The following PBX1 variants were observed in gnomAD, a reference collection of about 807,000 sequenced individuals.
PBX1 encodes the protein pre-B-cell leukemia transcription factor 1.
A neutral mutation model predicts 53.4 loss-of-function variants in PBX1; 6 were observed. The observed-to-expected ratio is 0.11, with a 90% CI of 0.06 to 0.22. PBX1 has a LOEUF of 0.22. Among genes scored for constraint, PBX1 ranks in the 10% least tolerant of loss-of-function variants. The pLI is 1.00. For missense variants in PBX1, 251 were observed against 551.4 expected (o/e 0.46, Z 5.46); for synonymous variants, 204 against 212.3 (o/e 0.96, Z 0.34).
intron 2 of PBX1, among the ~76,000 whole-genome samples, chr1:164,640,063 G>A (rs1659026095): frequency 6.6e-6 from 1 of 152,102 alleles, no homozygotes; most frequent in Admixed American, 6.5e-5. Context: ...AGCCGCCAAG[G>A]AGTCTGAGCG....
At chr1:164,582,092 G>T (rs1156902041) in intron 2 of PBX1, among the ~76,000 whole-genome samples, 1 of 152,170 alleles carries the variant, frequency 6.6e-6, no homozygotes, top group Non-Finnish European at 1.5e-5. Flanking sequence ...AAAAAATTCA[G>T]GTAGGGCAAT....
chr1:164,655,701 A>C (rs925803888), intron 2 of PBX1, among the ~76,000 whole-genome samples: 1 of 152,142 alleles, frequency 6.6e-6, no homozygotes, highest in African/African-American at 2.4e-5. Flanking sequence ...GACTGCAATC[A>C]TTTGTTTTGG....
intron 8 of PBX1, among the ~76,000 whole-genome samples, chr1:164,825,527 A>G (rs1264043739): frequency 1.3e-5 from 2 of 152,222 alleles, no homozygotes; most frequent in Non-Finnish European, 2.9e-5. Context: ...CCAGCTATAA[A>G]GTATCTGATG....
At chr1:164,652,586 T>G (rs1319906158) in intron 2 of PBX1, among the ~76,000 whole-genome samples, 1 of 152,148 alleles carries the variant, frequency 6.6e-6, no homozygotes, top group Non-Finnish European at 1.5e-5. Flanking sequence ...TTTCAGATCC[T>G]CCCTTTCCAG....
intron 4 of PBX1, among the ~76,000 whole-genome samples, chr1:164,802,403 T>C (rs1161288860): frequency 1.3e-5 from 2 of 152,146 alleles, no homozygotes; most frequent in Non-Finnish European, 2.9e-5. Flanking sequence ...CAGAATTCAT[T>C]TCCTTCTGAT....
chr1:164,677,803 T>C (rs1661524113), intron 2 of PBX1, among the ~76,000 whole-genome samples: 1 of 151,816 alleles, frequency 6.6e-6, no homozygotes, highest in Non-Finnish European at 1.5e-5. Flanking sequence ...GGGAAGAGGG[T>C]GACAATGAGG....
At chr1:164,768,854 G>GC (rs3831955) in intron 2 of PBX1, among the ~76,000 whole-genome samples, 17,640 of 152,174 alleles carry the variant, frequency 0.12, 1,161 homozygotes, top group South Asian at 0.22. Context: ...AGTAGTTCAA[G>GC]CCCAGCCTGG....
At chr1:164,845,058 G>C (rs974171284) in intron 8 of PBX1, among the ~76,000 whole-genome samples, 10 of 152,070 alleles carry the variant, frequency 6.6e-5, no homozygotes, top group Admixed American at 2.0e-4. Context: ...TGCCCTCTTG[G>C]TATCCAGATC....
At chr1:164,647,613 A>C (rs190662655) in intron 2 of PBX1, among the ~76,000 whole-genome samples, 103 of 152,268 alleles carry the variant, frequency 6.8e-4, no homozygotes, top group African/African-American at 2.3e-3. Context: ...AAATCATCAT[A>C]AAATTTTTTT....
At chr1:164,829,298 A>G (rs1670634506) in intron 8 of PBX1, 2 of 152,226 alleles carry the variant, frequency 1.3e-5, no homozygotes, top group South Asian at 4.1e-4. Flanking sequence ...CTATAAATAT[A>G]TGAATTGCTT....
At chr1:164,874,547 T>C (rs935457298) in intron 2 of PBX1, among the ~76,000 whole-genome samples, 6 of 152,258 alleles carry the variant, frequency 3.9e-5, no homozygotes, top group Middle Eastern at 3.4e-3. Context: ...CAGGCTGGAG[T>C]GTAGTGGTGC....
chr1:164,649,056 T>C (rs1379607792), intron 2 of PBX1, among the ~76,000 whole-genome samples: 1 of 152,214 alleles, frequency 6.6e-6, no homozygotes, highest in Non-Finnish European at 1.5e-5. Context: ...GTGTTCATTC[T>C]GGACCTGGAT....
intron 8 of PBX1, among the ~76,000 whole-genome samples, chr1:164,836,933 A>G (rs575507779): frequency 7.9e-5 from 12 of 152,336 alleles, no homozygotes; most frequent in African/African-American, 2.9e-4. Context: ...GATGGCACGT[A>G]AATTGCTATT....
chr1:164,780,813 T>A (rs1667898461), intron 2 of PBX1, among the ~76,000 whole-genome samples: 1 of 152,180 alleles, frequency 6.6e-6, no homozygotes, highest in Admixed American at 6.5e-5. Context: ...TCAGTCGCCC[T>A]TACCCCATTC....
intron 2 of PBX1, among the ~76,000 whole-genome samples, chr1:164,588,328 G>A (rs1189128579): frequency 6.7e-6 from 1 of 149,986 alleles, no homozygotes; most frequent in Non-Finnish European, 1.5e-5. Flanking sequence ...GACTTCAACT[G>A]TATGTTAATA....
At position 164,847,220 on chromosome 1, in the gene PBX1, C is replaced by T; in HGVS notation, c.*544C>T. ...GCCCTATTCATTCCAGGCCTCCCTGCTTCCTCTTGCTCTTCCTCCCTGGGG... is the reference window on the plus strand; with the variant it reads ...GCCCTATTCATTCCAGGCCTCCCTGTTTCCTCTTGCTCTTCCTCCCTGGGG... On this transcript the variant is annotated 3_prime_UTR_variant, in exon 9 of 9. Coordinates refer to ENST00000420696, the MANE Select transcript of PBX1 (RefSeq NM_002585.4). 9.3e-7 allele frequency: 1 copy of T among 1,074,148 alleles called. No homozygotes were observed. The highest frequency in any genetic ancestry group is 1.1e-6 in the Non-Finnish European group (1 of 883,772). The allele number at this position is 1,074,148 out of a possible 1,614,324, so 66.5% of individuals were successfully genotyped here. A position where few individuals can be genotyped will look rare whatever the true frequency, so the allele number is the denominator to read the frequency against.
intron 2 of PBX1, among the ~76,000 whole-genome samples, chr1:164,859,866 A>G (rs760435020): frequency 6.6e-6 from 1 of 152,220 alleles, no homozygotes; most frequent in Non-Finnish European, 1.5e-5. Flanking sequence ...TCAGGAATAC[A>G]ACTGTATTTA....
At chr1:164,860,871 G>A (rs1431886233) in intron 2 of PBX1, among the ~76,000 whole-genome samples, 6 of 152,096 alleles carry the variant, frequency 3.9e-5, no homozygotes, top group East Asian at 3.9e-4. Flanking sequence ...AGGAAGGAAC[G>A]AAGGCAAAAA....
chr1:164,745,204 T>G (rs1015974863), intron 2 of PBX1, among the ~76,000 whole-genome samples: 5 of 152,124 alleles, frequency 3.3e-5, no homozygotes, highest in Non-Finnish European at 7.4e-5. Context: ...GAAAAATAGA[T>G]GGAAAGCATG....
Sources: gnomAD v4.1 joint callset for allele counts (sites outside exome capture counted in the v4.1 genomes callset) on GRCh38, gnomAD v4.1.1 for gene constraint, MANE v1.5 for transcripts, NCBI Gene and HGNC (gene_info 2026-07-23, HGNC 2026-07-21) for gene names.